The following LPP variants were observed in gnomAD, a reference collection of about 807,000 sequenced individuals.
LPP encodes LIM domain containing preferred translocation partner in lipoma.
A neutral mutation model predicts 60.4 loss-of-function variants in LPP; 38 were observed. The ratio of observed to expected loss-of-function variants is 0.63; its 90% CI spans 0.49 to 0.83. The LOEUF is 0.83. Ranked by LOEUF, LPP falls within the 40% of genes least tolerant of loss-of-function variation. The probability of loss-of-function intolerance (pLI) is 0.00; values close to 1 mark genes in which losing one functional copy is unlikely to be tolerated. For synonymous variants in LPP, 328 were observed against 290.8 expected, an observed-to-expected ratio of 1.13 and a Z score of -1.30; for missense variants, 902 against 783.6, an observed-to-expected ratio of 1.15 and a Z score of -1.80.
chr3:188,301,486 T>C (rs1749844251), intron 2 of LPP, among the ~76,000 whole-genome samples: 1 of 152,210 alleles, frequency 6.6e-6, no homozygotes, highest in South Asian at 2.1e-4. Context: ...TTTTAAGGAA[T>C]GTTTTGCTAA....
chr3:188,324,975 T>G (rs1757995771), intron 2 of LPP, among the ~76,000 whole-genome samples: 1 of 152,114 alleles, frequency 6.6e-6, no homozygotes, highest in Non-Finnish European at 1.5e-5. Context: ...TCTCTCCTTT[T>G]TTTTTCTTTC....
At chr3:188,337,205 T>C (rs1242263912) in intron 2 of LPP, among the ~76,000 whole-genome samples, 2 of 151,880 alleles carry the variant, frequency 1.3e-5, no homozygotes, top group Non-Finnish European at 2.9e-5. Context: ...AGTGATGGAG[T>C]GTCATAGCTA....
chr3:188,386,702 C>A (rs965040468), intron 3 of LPP, among the ~76,000 whole-genome samples: 1 of 152,092 alleles, frequency 6.6e-6, no homozygotes, highest in Non-Finnish European at 1.5e-5. Flanking sequence ...ATTAAATGAA[C>A]CTTTAACTGA....
chr3:188,733,531 A>T (rs769244926), intron 8 of LPP, among the ~76,000 whole-genome samples: 9 of 152,162 alleles, frequency 5.9e-5, no homozygotes, highest in Non-Finnish European at 8.8e-5. Flanking sequence ...CATGCACTTC[A>T]ACAATTATTT....
chr3:188,583,434 C>T (rs553231989), intron 6 of LPP, among the ~76,000 whole-genome samples: 18 of 152,178 alleles, frequency 1.2e-4, no homozygotes, highest in Admixed American at 1.3e-4. Context: ...TCAACATAGA[C>T]GCCATTTCCC....
intron 7 of LPP, among the ~76,000 whole-genome samples, chr3:188,616,250 G>A (rs1844830039): frequency 1.3e-5 from 2 of 152,118 alleles, no homozygotes; most frequent in Admixed American, 1.3e-4. Context: ...TCCATCTTGA[G>A]TTAATTTTTG....
At position 188,866,246 on chromosome 3, in the gene LPP, G is replaced by A. The variant is rs756003756; in HGVS notation, c.1457G>A (p.Arg486Gln). The change falls in exon 10 of 12, where the codon CGG (arginine) becomes CAG (glutamine). Residue 486 changes from arginine (R) to glutamine (Q), a missense_variant. Physicochemically the swap from Arg to Gln is conservative, Grantham distance 43 (BLOSUM62 1). Transcript: ENST00000617246. ...CNVCSKPIME[R>Q]ILRATGKAYH... ...GTGTGTTCCAAGCCCATCATGGAGC[G>A]GATTCTCCGAGCCACCGGGAAGGCC... The A allele has an allele frequency of 9.5e-6, 15 of 1,580,444 alleles. No homozygotes were observed. The highest frequency in any genetic ancestry group is 6.9e-5 in the South Asian group (6 of 86,342).
chr3:188,575,352 T>A (rs1280130422), intron 6 of LPP, among the ~76,000 whole-genome samples: 1 of 152,224 alleles, frequency 6.6e-6, no homozygotes, highest in Non-Finnish European at 1.5e-5. Context: ...TAGTCTTATT[T>A]ATTTATTTTA....
intron 9 of LPP, among the ~76,000 whole-genome samples, chr3:188,772,327 T>C (rs952019253): frequency 6.6e-6 from 1 of 152,168 alleles, no homozygotes; most frequent in Non-Finnish European, 1.5e-5. Context: ...ACCAACTAGA[T>C]GTAACCATTT....
intron 4 of LPP, among the ~76,000 whole-genome samples, chr3:188,474,774 C>T (rs148970586): frequency 7.2e-5 from 11 of 152,226 alleles, no homozygotes; most frequent in African/African-American, 2.2e-4. Flanking sequence ...TTTACTTTTT[C>T]GCATTGGAGC....
chr3:188,445,567 C>A (rs751189344), intron 4 of LPP, among the ~76,000 whole-genome samples: 4 of 152,036 alleles, frequency 2.6e-5, no homozygotes, highest in Admixed American at 6.6e-5. Flanking sequence ...CAGCAAACCA[C>A]CGTGGCATAT....
intron 7 of LPP, among the ~76,000 whole-genome samples, chr3:188,696,592 A>G (rs1488766261): frequency 1.3e-5 from 2 of 152,166 alleles, no homozygotes; most frequent in Non-Finnish European, 2.9e-5. Context: ...TAAAACAACA[A>G]CAACAACTCA....
intron 2 of LPP, among the ~76,000 whole-genome samples, chr3:188,286,886 T>C (rs537090882): frequency 6.6e-6 from 1 of 152,256 alleles, no homozygotes; most frequent in African/African-American, 2.4e-5. Flanking sequence ...TTTATTTTTA[T>C]TTTTATTTAC....
intron 2 of LPP, among the ~76,000 whole-genome samples, chr3:188,241,751 T>C (rs1577492957): frequency 6.6e-6 from 1 of 152,306 alleles, no homozygotes; most frequent in East Asian, 1.9e-4. Context: ...TAACTACTAC[T>C]ATATACGTAA....
intron 7 of LPP, among the ~76,000 whole-genome samples, chr3:188,678,449 T>C (rs1439128947): frequency 6.6e-6 from 1 of 152,204 alleles, no homozygotes; most frequent in Non-Finnish European, 1.5e-5. Flanking sequence ...AAATATTGAC[T>C]ATTTCCTGAT....
At chr3:188,370,456 C>T (rs1772704368) in intron 3 of LPP, among the ~76,000 whole-genome samples, 2 of 152,174 alleles carry the variant, frequency 1.3e-5, no homozygotes, top group South Asian at 4.1e-4. Flanking sequence ...ATCTAATCAA[C>T]ATGATGATTA....
At chr3:188,549,380 T>C (rs1827471034) in intron 6 of LPP, among the ~76,000 whole-genome samples, 1 of 141,728 alleles carries the variant, frequency 7.1e-6, no homozygotes, top group Admixed American at 7.3e-5. Flanking sequence ...GTGGTGGTTC[T>C]ACTTCTCTAT....
chr3:188,754,539 A>G (rs192834734), intron 8 of LPP, among the ~76,000 whole-genome samples: 104 of 152,242 alleles, frequency 6.8e-4, no homozygotes, highest in African/African-American at 2.4e-3. Context: ...CCCCCAGAAC[A>G]CTGAGTTTGA....
intron 2 of LPP, among the ~76,000 whole-genome samples, chr3:188,248,904 T>C (rs1728078756): frequency 6.6e-6 from 1 of 152,174 alleles, no homozygotes. Flanking sequence ...CTAAACTTGC[T>C]CTTTCTAAAA....
Sources: gnomAD v4.1 joint callset for allele counts (sites outside exome capture counted in the v4.1 genomes callset) on GRCh38, gnomAD v4.1.1 for gene constraint, MANE v1.5 for transcripts, NCBI Gene and HGNC (gene_info 2026-07-23, HGNC 2026-07-21) for gene names.